The following XPO7 variants were observed in gnomAD, a reference collection of about 807,000 sequenced individuals.
The protein encoded by XPO7 is exportin-7.
In XPO7, 21 loss-of-function variants were observed where a neutral mutation model predicts 144.3. That is an observed-to-expected ratio of 0.15 (90% CI 0.10 to 0.21). The LOEUF is 0.21. Ranked by LOEUF, XPO7 falls within the 10% of genes least tolerant of loss-of-function variation. The pLI is 1.00. For synonymous variants in XPO7, 580 were observed against 499.6 expected (o/e 1.16, Z -2.15); for missense variants, 808 against 1,325.8 (o/e 0.61, Z 6.06).
chr8:21,934,325 G>C (rs1351449806), intron 1 of XPO7, among the ~76,000 whole-genome samples: 2 of 152,096 alleles, frequency 1.3e-5, no homozygotes, highest in South Asian at 4.1e-4. Context: ...CCTGAGGTCG[G>C]GAGTTTGAGA....
chr8:21,959,598 A>G (rs1194452493), intron 1 of XPO7, among the ~76,000 whole-genome samples: 1 of 152,182 alleles, frequency 6.6e-6, no homozygotes, highest in African/African-American at 2.4e-5. Flanking sequence ...AATCACAAGG[A>G]TGTGAGTGTT....
In XPO7 at chr8:21,997,203, A is replaced by C. The variant is rs567184133; in HGVS notation, c.2346-1552A>C. Among the ~76,000 whole-genome samples the C allele has an allele frequency of 2.6e-5, 4 of 152,334 alleles. No individual in the cohort carries two copies. In the East Asian group the frequency reaches 5.8e-4, roughly 22 times the overall value. ...TTATATTCAAGAGTTACTCATTTAT[A>C]AAATAGATACTTGAGAGCACTTACT... On this transcript the variant is annotated intron_variant, in intron 21 of 27. Transcript: ENST00000252512.
intron 1 of XPO7, among the ~76,000 whole-genome samples, chr8:21,937,274 A>G (rs1030315060): frequency 3.3e-5 from 5 of 152,220 alleles, no homozygotes; most frequent in African/African-American, 7.2e-5. Context: ...TGTATTTCCA[A>G]AACACAGTTG....
intron 20 of XPO7, 44 bp from the exon 21 acceptor site, chr8:21,995,448 A>AC (rs1812914406): frequency 6.6e-7 from 1 of 1,523,542 alleles, no homozygotes; most frequent in African/African-American, 1.4e-5. Flanking sequence ...TAAATTCTGT[A>AC]CCTTTCTGGA....
intron 10 of XPO7, among the ~76,000 whole-genome samples, chr8:21,982,266 G>T (rs1044397147): frequency 5.9e-5 from 9 of 152,130 alleles, no homozygotes; most frequent in Non-Finnish European, 1.3e-4. Flanking sequence ...CTAGGGGACT[G>T]ATGAAAAAAT....
At chr8:21,977,112 A>G (rs938634912) in intron 7 of XPO7, among the ~76,000 whole-genome samples, 1 of 152,348 alleles carries the variant, frequency 6.6e-6, no homozygotes, top group African/African-American at 2.4e-5. Context: ...TATTTAGGGT[A>G]ATAACTATCT....
chr8:21,976,335 A>G (rs753288192), intron 6 of XPO7, 21 bp from the exon 7 acceptor site: 18 of 1,609,336 alleles, frequency 1.1e-5, no homozygotes, highest in Non-Finnish European at 1.5e-5. Flanking sequence ...TTGGGGACTC[A>G]TTATGTGGTA....
At chr8:21,938,176 C>G (rs1315971298) in intron 1 of XPO7, among the ~76,000 whole-genome samples, 1 of 152,040 alleles carries the variant, frequency 6.6e-6, no homozygotes, top group Non-Finnish European at 1.5e-5. Flanking sequence ...TAAAACAAAC[C>G]ACAGAACCAG....
At position 21,984,639 on chromosome 8, in the gene XPO7, G is replaced by T. The variant is rs943974139; in HGVS notation, c.1278-7G>T. ...GAGAGCTGCCTTCCTTCTTCCCTTG[G>T]GAATAGAGATGGCCTGGAAGATCCC... On this transcript the variant is annotated splice_polypyrimidine_tract_variant and splice_region_variant and intron_variant, in intron 11 of 27. Coordinates refer to ENST00000252512, the MANE Select transcript of XPO7 (RefSeq NM_015024.5). 3.7e-6 allele frequency: 6 copies of T among 1,605,462 alleles called. No individual in the cohort carries two copies. The highest frequency in any genetic ancestry group is 5.1e-6 in the Non-Finnish European group (6 of 1,175,828).
chr8:21,951,956 C>A (rs1811388329), intron 1 of XPO7, among the ~76,000 whole-genome samples: 1 of 152,168 alleles, frequency 6.6e-6, no homozygotes, highest in Non-Finnish European at 1.5e-5. Context: ...TGATAACCAG[C>A]CCAGTCTCAG....
chr8:21,991,939 T>G lies in XPO7; in HGVS notation c.2113T>G (p.Phe705Val). 6.2e-7 allele frequency: 1 copy of G among 1,613,640 alleles called. No individual in the cohort carries two copies. Among genetic ancestry groups the G allele is most frequent in the South Asian group, 1.1e-5 (1 of 90,966 alleles). Residue 705 changes from phenylalanine to valine, a missense_variant, in exon 19 of 28, where the codon TTT becomes GTT. Transcript: ENST00000252512. ...TAAFEAVAQM[F>V]STNSFNEQEA... ...AGCATTTGAGGCTGTGGCCCAGATG[T>G]TTAGCACCAATAGTTTCAACGAGCA... is the stretch of plus-strand genomic sequence containing the variant.
chr8:21,995,578 T>C lies in XPO7; in HGVS notation c.2324T>C (p.Met775Thr). Residue 775 changes from methionine (M) to threonine (T), a missense_variant, in exon 21 of 28, where the codon ATG becomes ACG. Physicochemically the swap from Met to Thr is moderately conservative, Grantham distance 81 (BLOSUM62 -1). This residue lies in a region of XPO7 where 416 missense variants were observed against 612.5 expected (regional missense o/e 0.68). Transcript: ENST00000252512. ...PACTTPVLKL[M>T]AELVHNRSQR... Reference sequence around the variant, plus strand: ...TGTACTACACCTGTACTCAAGTTGATGGCTGAATTGGTTCATAATAGGTAA... The same window carrying C: ...TGTACTACACCTGTACTCAAGTTGACGGCTGAATTGGTTCATAATAGGTAA... 5 of 1,604,220 alleles carry C rather than the reference T, an allele frequency of 3.1e-6. No individual in the cohort carries two copies. The highest frequency in any genetic ancestry group is 3.4e-6 in the Non-Finnish European group (4 of 1,174,752).
intron 4 of XPO7, 22 bp downstream of exon 4, chr8:21,970,332 T>A: frequency 6.2e-7 from 1 of 1,604,694 alleles, no homozygotes; most frequent in Non-Finnish European, 8.5e-7. Flanking sequence ...ATATTTGATG[T>A]AATGGGAATG....
At position 22,006,045 on chromosome 8, in the gene XPO7, A is replaced by G. The variant is rs1242835886; in HGVS notation, c.*957A>G. 2 of 152,306 alleles carry G rather than the reference A, an allele frequency of 1.3e-5. No homozygotes were observed. The highest frequency in any genetic ancestry group is 4.1e-4 in the South Asian group (2 of 4,826). The allele number at this position is 152,306 out of a possible 1,614,324, so 9.4% of individuals were successfully genotyped here. ...CCAGAGGCCCTGCTGTGTGTGGCCA[A>G]TAAATTTTAGTCTTCCCCAGCCCTC... On this transcript the variant is annotated 3_prime_UTR_variant, in exon 28 of 28. Coordinates refer to ENST00000252512, the MANE Select transcript of XPO7 (RefSeq NM_015024.5).
intron 1 of XPO7, chr8:21,921,702 T>G (rs1810294330): frequency 6.6e-6 from 1 of 152,210 alleles, no homozygotes; most frequent in Admixed American, 6.5e-5. Flanking sequence ...ATTTATTAAC[T>G]TTTCAAAACA....
rs1430086269 is a variant in XPO7, at chr8:21,948,566, GTTT to G, written c.19-18288_19-18286del. 3.9e-5 allele frequency among the ~76,000 whole-genome samples: 6 copies of G among 152,102 alleles called. No homozygotes were observed. The South Asian group carries it at 1.2e-3, about 32-fold the overall frequency. ...CAAGGCATGACTATACTTTAAAGGA[GTTT>G]TTAAATGTTTTTATATACTAGATTG... On this transcript the variant is annotated intron_variant, in intron 1 of 27. Coordinates refer to ENST00000252512, the MANE Select transcript of XPO7 (RefSeq NM_015024.5).
intron 19 of XPO7, among the ~76,000 whole-genome samples, chr8:21,993,311 C>G (rs1049143700): frequency 5.9e-5 from 9 of 152,158 alleles, no homozygotes; most frequent in Non-Finnish European, 1.3e-4. Context: ...TGTCATGTCC[C>G]ATGTAAAGTC....
Position 21,919,738 on chromosome 8 carries a change from G to T in XPO7, c.-33G>T. Reference sequence around the variant, plus strand: ...CGGCCGAGGTGCGCGCTGGGGGGGAGGGGGGGCCGGAGAGGAGCATGAATG... The same window carrying T: ...CGGCCGAGGTGCGCGCTGGGGGGGATGGGGGGCCGGAGAGGAGCATGAATG... On this transcript the variant is annotated 5_prime_UTR_variant, in exon 1 of 28. The change creates a new upstream start codon in the 5' untranslated region. Transcript: ENST00000252512. 1 of 404,466 alleles carries T rather than the reference G, an allele frequency of 2.5e-6. No homozygotes were observed. The allele number at this position is 404,466 out of a possible 1,614,324, so 25.1% of individuals were successfully genotyped here.
At position 21,919,758 on chromosome 8, in the gene XPO7, T is replaced by C. The variant is rs1810199711; in HGVS notation, c.-13T>C. The stretch of plus-strand genomic sequence containing the variant: ...GGGGAGGGGGGGCCGGAGAGGAGCA[T>C]GAATGGAGCAAAATGGCGGATCATG... On this transcript the variant is annotated 5_prime_UTR_variant, in exon 1 of 28. An upstream start codon of the reference 5' UTR is lost. Coordinates refer to ENST00000252512, the MANE Select transcript of XPO7 (RefSeq NM_015024.5). 2 of 515,350 alleles carry C rather than the reference T, an allele frequency of 3.9e-6. No individual in the cohort carries two copies. The highest frequency in any genetic ancestry group is 5.5e-6 in the Non-Finnish European group (2 of 363,622). 31.9% of individuals were successfully genotyped at this position (515,350 alleles called of 1,614,324 possible).
Sources: gnomAD v4.1 joint callset for allele counts (sites outside exome capture counted in the v4.1 genomes callset) on GRCh38, gnomAD v4.1.1 for gene constraint, gnomAD v4.1.1 regional missense constraint, MANE v1.5 for transcripts, NCBI Gene and HGNC (gene_info 2026-07-23, HGNC 2026-07-21) for gene names.